The following GPHN variants were observed in gnomAD, a reference collection of about 807,000 sequenced individuals.
GPHN encodes gephyrin.
A neutral mutation model predicts 95.5 loss-of-function variants in GPHN; 17 were observed. That is an observed-to-expected ratio of 0.18 (90% CI 0.12 to 0.27). The LOEUF is 0.27. Ranked by LOEUF, GPHN falls within the 10% of genes least tolerant of loss-of-function variation. The probability of loss-of-function intolerance (pLI) is 1.00; values close to 1 mark genes in which losing one functional copy is unlikely to be tolerated. For synonymous variants in GPHN, 320 were observed against 322.5 expected (o/e 0.99, Z 0.08); for missense variants, 660 against 978.1 (o/e 0.67, Z 4.34).
intron 9 of GPHN, among the ~76,000 whole-genome samples, chr14:66,977,655 ATATT>A (rs1285767804): frequency 6.6e-6 from 1 of 152,218 alleles, no homozygotes; most frequent in Non-Finnish European, 1.5e-5. Flanking sequence ...CTCATTAAGA[ATATT>A]TAATGACATG....
chr14:67,662,842 G>T, the GPHN span, among the ~76,000 whole-genome samples: 1 of 147,248 alleles, frequency 6.8e-6, no homozygotes. Flanking sequence ...GGTGGAAGTG[G>T]CAATGAGCCG....
chr14:66,663,580 T>C (rs1335918406), intron 1 of GPHN, among the ~76,000 whole-genome samples: 1 of 151,962 alleles, frequency 6.6e-6, no homozygotes, highest in Non-Finnish European at 1.5e-5. Flanking sequence ...TTTAAACAAG[T>C]CTCCAAAATA....
intron 4 of GPHN, chr14:66,842,608 C>G: frequency 9.2e-6 from 10 of 1,086,338 alleles, no homozygotes; most frequent in Non-Finnish European, 1.4e-5. Flanking sequence ...TTTGTACAGC[C>G]CTAAATTTGA....
At chr14:67,372,842 A>C in the GPHN span, among the ~76,000 whole-genome samples, 50 of 152,182 alleles carry the variant, frequency 3.3e-4, no homozygotes, top group African/African-American at 1.2e-3. Flanking sequence ...AAAAAACAAA[A>C]AACAAACAAA....
chr14:67,244,266 C>T, the GPHN span, among the ~76,000 whole-genome samples: 2 of 152,274 alleles, frequency 1.3e-5, no homozygotes, highest in East Asian at 3.9e-4. Flanking sequence ...TGTATACCTA[C>T]CTATAAGTGG....
the GPHN span, chr14:67,613,844 G>A: frequency 1.2e-5 from 2 of 160,632 alleles, no homozygotes; most frequent in Non-Finnish European, 2.8e-5. Flanking sequence ...TCACTGTGGC[G>A]CCTTGCTTTG....
the GPHN span, among the ~76,000 whole-genome samples, chr14:67,606,898 G>A: frequency 1.3e-5 from 2 of 152,000 alleles, no homozygotes; most frequent in South Asian, 2.1e-4. Context: ...TGCCCACCTC[G>A]GCCTCCCAAA....
At chr14:67,379,289 C>T in the GPHN span, among the ~76,000 whole-genome samples, 2 of 152,174 alleles carry the variant, frequency 1.3e-5, no homozygotes, top group Non-Finnish European at 2.9e-5. Context: ...TTCACCAAAT[C>T]CTTGCCACAA....
intron 18 of GPHN, among the ~76,000 whole-genome samples, chr14:67,150,864 G>A (rs532083507): frequency 2.2e-4 from 33 of 152,080 alleles, no homozygotes; most frequent in African/African-American, 7.0e-4. Flanking sequence ...TGGCTTTTGG[G>A]TTTCCTTAAT....
the GPHN span, chr14:67,571,974 C>T: frequency 1.2e-5 from 19 of 1,529,560 alleles, no homozygotes; most frequent in Non-Finnish European, 1.6e-5. Context: ...GGCACTTGAA[C>T]ATGGGCGTCC....
the GPHN span, chr14:67,578,426 G>A: frequency 1.1e-6 from 1 of 880,146 alleles, no homozygotes; most frequent in Non-Finnish European, 1.8e-6. The surrounding 1 kb of genome is among the most constrained non-coding windows in gnomAD (Gnocchi z 5.0). Context: ...AGCAAGTTGG[G>A]GGCTCTGGTT....
the GPHN span, among the ~76,000 whole-genome samples, chr14:67,480,316 C>T: frequency 6.6e-6 from 1 of 152,074 alleles, no homozygotes; most frequent in African/African-American, 2.4e-5. Context: ...GCCAAGAAAT[C>T]GGGTGGCAAT....
At chr14:66,583,955 G>T (rs2061315229) in intron 1 of GPHN, among the ~76,000 whole-genome samples, 1 of 152,028 alleles carries the variant, frequency 6.6e-6, no homozygotes, top group Admixed American at 6.6e-5. Flanking sequence ...GGATGGCATT[G>T]AATCTATAAA....
At chr14:67,268,689 T>C in the GPHN span, among the ~76,000 whole-genome samples, 1 of 152,192 alleles carries the variant, frequency 6.6e-6, no homozygotes, top group Non-Finnish European at 1.5e-5. Flanking sequence ...TAGCATATAG[T>C]GAGCAGTGAG....
the GPHN span, chr14:67,562,470 C>T: frequency 6.2e-7 from 1 of 1,613,768 alleles, no homozygotes; most frequent in South Asian, 1.1e-5. Context: ...TGTAGTTCAG[C>T]TTCCTGGGGT....
chr14:67,453,733 T>C, the GPHN span, among the ~76,000 whole-genome samples: 2 of 152,266 alleles, frequency 1.3e-5, no homozygotes, highest in East Asian at 1.9e-4. Context: ...CACCATCTGC[T>C]GGGCCTTGGC....
chr14:67,539,865 A>G, the GPHN span, among the ~76,000 whole-genome samples: 1 of 152,322 alleles, frequency 6.6e-6, no homozygotes, highest in South Asian at 2.1e-4. Context: ...TGTAAGGTTT[A>G]AAGAGGCAAC....
rs1325136419 is a variant in GPHN at position 66,781,118 on chromosome 14, A to G, written c.201+4597A>G. Reference sequence around the variant, plus strand: ...ATTGATTGTAATAAATCACTTCAAAACTGAATGGATTCTTAGCCCTTAGCC... The same window carrying G: ...ATTGATTGTAATAAATCACTTCAAAGCTGAATGGATTCTTAGCCCTTAGCC... On this transcript the variant is annotated intron_variant, in intron 3 of 22. Transcript: ENST00000478722. Among the ~76,000 whole-genome samples, 3 of 152,248 alleles carry G rather than the reference A, an allele frequency of 2.0e-5. No homozygotes were observed. The East Asian group carries it at 5.8e-4, about 29-fold the overall frequency.
chr14:67,141,137 A>C (rs953167534), intron 17 of GPHN, among the ~76,000 whole-genome samples: 2 of 152,068 alleles, frequency 1.3e-5, no homozygotes, highest in African/African-American at 4.8e-5. Context: ...TCAAACTTTT[A>C]CTTTTGGCCC....
Sources: allele counts gnomAD v4.1 joint callset (sites outside exome capture counted in the v4.1 genomes callset), GRCh38; gene constraint gnomAD v4.1.1; non-coding constraint Gnocchi (gnomAD v3.1); transcripts MANE v1.5; gene names NCBI Gene and HGNC (gene_info 2026-07-23, HGNC 2026-07-21).